Variants in NUCB2 observed in about 807,000 individuals in gnomAD.
NUCB2 encodes the protein nucleobindin 2.
NUCB2 carries 48 observed loss-of-function variants against 57.9 expected under a neutral mutation model. The ratio of observed to expected loss-of-function variants is 0.83; its 90% CI spans 0.66 to 1.05. The LOEUF (loss-of-function observed/expected upper bound fraction) is 1.05. Among genes scored for constraint, NUCB2 ranks in the 50% least tolerant of loss-of-function variants. The pLI, the probability that NUCB2 is intolerant of heterozygous loss-of-function variation, is 0.00. For synonymous variants in NUCB2, 139 were observed against 152.1 expected (o/e 0.91, Z 0.64); for missense variants, 442 against 476.2 (o/e 0.93, Z 0.67).
intron 11 of NUCB2, among the ~76,000 whole-genome samples, chr11:17,329,476 G>T (rs186137410): frequency 6.6e-6 from 1 of 152,244 alleles, no homozygotes; most frequent in Admixed American, 6.5e-5. Context: ...GCTGGGATGG[G>T]TGATTCTCCT....
chr11:17,328,258 G>C (rs748479868), intron 11 of NUCB2, among the ~76,000 whole-genome samples: 11 of 152,164 alleles, frequency 7.2e-5, no homozygotes, highest in Non-Finnish European at 1.5e-4. Context: ...CTCTCTCTCT[G>C]TGCTGAGCCA....
intron 2 of NUCB2, among the ~76,000 whole-genome samples, chr11:17,291,527 C>T (rs555576933): frequency 1.4e-3 from 76 of 54,822 alleles, no homozygotes; most frequent in Non-Finnish European, 2.3e-3. Flanking sequence ...ACCTGGGTGG[C>T]AGAGTAAGAC....
intron 2 of NUCB2, among the ~76,000 whole-genome samples, chr11:17,347,187 C>T (rs76115172): frequency 5.9e-5 from 9 of 152,324 alleles, no homozygotes; most frequent in South Asian, 2.1e-4. Flanking sequence ...GCTCTAAGTG[C>T]GGTGGGAGCT....
chr11:17,309,738 TA>T, intron 6 of NUCB2, 63 bp downstream of exon 6: 1 of 971,768 alleles, frequency 1.0e-6, no homozygotes, highest in Non-Finnish European at 1.6e-6. Context: ...ATTTGACAAG[TA>T]AACCCAATGA....
intron 11 of NUCB2, among the ~76,000 whole-genome samples, chr11:17,324,101 G>T (rs1950359496): frequency 6.6e-6 from 1 of 151,680 alleles, no homozygotes; most frequent in Admixed American, 6.6e-5. Context: ...ACTAATTTTG[G>T]ATTCAGTTTG....
In NUCB2 at chr11:17,312,064, G is replaced by A. The variant is rs757033019; in HGVS notation, c.856G>A (p.Asp286Asn). Residue 286 changes from aspartate (D) to asparagine (N), a missense_variant, in exon 10 of 14, where the codon GAT (aspartate) becomes AAT (asparagine). By Grantham distance (23) the Asp-to-Asn change is conservative. Coordinates refer to ENST00000529010, the MANE Select transcript of NUCB2 (RefSeq NM_005013.4). ...ATATGACCCTAAAAATGAAGAGGAT[G>A]ATATGGTAGAAATGGAAGAAGAAAG... ...KVYDPKNEEDDMVEMEEERLR... is the reference protein window; with the variant it reads ...KVYDPKNEEDNMVEMEEERLR... The A allele has an allele frequency of 2.5e-6, 4 of 1,590,790 alleles. No homozygotes were observed. In the African/African-American group the frequency reaches 5.4e-5, roughly 22 times the overall value.
rs1039147286 is a variant in NUCB2, at chr11:17,302,564, C to CT, written c.379+702dup. 3.4e-4 allele frequency among the ~76,000 whole-genome samples: 51 copies of CT among 151,768 alleles called. 1 individual carries two copies. Among genetic ancestry groups the CT allele is most frequent in the African/African-American group, 1.2e-3 (51 of 41,378 alleles). On this transcript the variant is annotated intron_variant, in intron 5 of 13. Coordinates refer to ENST00000529010, the MANE Select transcript of NUCB2 (RefSeq NM_005013.4). Reference sequence around the variant, plus strand: ...AAGATCCAGACCATTTCTTTTCTTTCTTTTTTTTAAAGAAAATCTTTTAGG... The same window carrying CT: ...AAGATCCAGACCATTTCTTTTCTTTCTTTTTTTTTAAAGAAAATCTTTTAGG...
chr11:17,309,128 A>G (rs1948112953), intron 5 of NUCB2, among the ~76,000 whole-genome samples: 1 of 152,140 alleles, frequency 6.6e-6, no homozygotes, highest in African/African-American at 2.4e-5. Flanking sequence ...AGCCTGGGCA[A>G]TATAGTGAGA....
chr11:17,293,803 A>G (rs567879184), intron 2 of NUCB2, among the ~76,000 whole-genome samples: 1 of 152,228 alleles, frequency 6.6e-6, no homozygotes, highest in Non-Finnish European at 1.5e-5. Flanking sequence ...AAGGCTACAT[A>G]TTGTATAATT....
chr11:17,299,535 A>G (rs1328774075), intron 4 of NUCB2, among the ~76,000 whole-genome samples: 1 of 152,244 alleles, frequency 6.6e-6, no homozygotes. Flanking sequence ...ACTAATGCTT[A>G]TAGAGGCCCA....
intron 11 of NUCB2, among the ~76,000 whole-genome samples, chr11:17,320,435 C>T (rs575519762): frequency 2.6e-5 from 4 of 152,014 alleles, no homozygotes; most frequent in African/African-American, 9.7e-5. Flanking sequence ...TTTGGGAGGC[C>T]GAGGTGGGCG....
intron 2 of NUCB2, among the ~76,000 whole-genome samples, chr11:17,294,532 T>G (rs1401724465): frequency 6.6e-6 from 1 of 152,092 alleles, no homozygotes; most frequent in Non-Finnish European, 1.5e-5. Context: ...GGCAAGACAA[T>G]GCTCTGTAAG....
At chr11:17,341,651 TCCCAGGGATGAA>T (rs947424466) in intron 2 of NUCB2, among the ~76,000 whole-genome samples, 81 of 152,342 alleles carry the variant, frequency 5.3e-4, no homozygotes, top group African/African-American at 1.8e-3. Flanking sequence ...CAGCCTTGCA[TCCCAGGGATGAA>T]GCCCACCTTA....
At chr11:17,296,775 G>C (rs1945889987) in intron 4 of NUCB2, among the ~76,000 whole-genome samples, 1 of 152,238 alleles carries the variant, frequency 6.6e-6, no homozygotes, top group Middle Eastern at 3.4e-3. Context: ...CAAAAGATGA[G>C]GTTTGGAAAG....
Position 17,291,081 on chromosome 11 carries a change from C to G in NUCB2, c.1-4243C>G, listed in dbSNP as rs541789631. On this transcript the variant is annotated intron_variant, in intron 2 of 13. Transcript: ENST00000529010. ...TTAGCACTTATTTCTCATTTCCCCT[C>G]CCTCCACCAGCAGCCCTCAACAACC... Among the ~76,000 whole-genome samples the G allele has an allele frequency of 9.9e-5, 15 of 152,214 alleles. No homozygotes were observed. The East Asian group carries it at 2.9e-3, about 29-fold the overall frequency.
chr11:17,347,188 G>A (rs567036443), intron 2 of NUCB2, among the ~76,000 whole-genome samples: 20 of 152,322 alleles, frequency 1.3e-4, no homozygotes, highest in African/African-American at 3.4e-4. Context: ...CTCTAAGTGC[G>A]GTGGGAGCTT....
intron 1 of NUCB2, among the ~76,000 whole-genome samples, chr11:17,277,330 A>G (rs1020025881): frequency 2.0e-5 from 3 of 152,212 alleles, no homozygotes; most frequent in Non-Finnish European, 2.9e-5. Flanking sequence ...CTTAAGTGAC[A>G]AATTAGGTAC....
At position 17,330,960 on chromosome 11, in the gene NUCB2, C is replaced by G; in HGVS notation, c.1232C>G (p.Ala411Gly). Residue 411 changes from alanine to glycine, a missense_variant, in exon 13 of 14, where the codon GCT becomes GGT. Ala to Gly is a moderately conservative substitution (Grantham distance 60). Coordinates refer to ENST00000529010, the MANE Select transcript of NUCB2 (RefSeq NM_005013.4). The surrounding 1 kb of genome is among the most constrained non-coding windows in gnomAD (Gnocchi z 4.3). ...CAAGGAATTCCTCCATCAGGGCCAG[C>G]TGGAGAATTGAAGTTTGAGCCACGT... ...LQQGIPPSGP[A>G]GELKFEPHI 1 of 1,609,506 alleles carries G rather than the reference C, an allele frequency of 6.2e-7. No homozygotes were observed. Among genetic ancestry groups the G allele is most frequent in the Non-Finnish European group, 8.5e-7 (1 of 1,177,046 alleles).
chr11:17,284,608 G>GT, intron 2 of NUCB2, among the ~76,000 whole-genome samples: 1 of 152,296 alleles, frequency 6.6e-6, no homozygotes, highest in South Asian at 2.1e-4. Context: ...AAGTACAGTA[G>GT]TTCTTTTGCT....
Sources: gnomAD v4.1 joint callset for allele counts (sites outside exome capture counted in the v4.1 genomes callset) on GRCh38, gnomAD v4.1.1 for gene constraint, Gnocchi (gnomAD v3.1) non-coding constraint, MANE v1.5 for transcripts, NCBI Gene and HGNC (gene_info 2026-07-23, HGNC 2026-07-21) for gene names.